The following DDX19B variants were observed in gnomAD, a reference collection of about 807,000 sequenced individuals.
The protein encoded by DDX19B is DEAD-box helicase 19B, also known as ATP-dependent RNA helicase DDX19B.
Under a neutral mutation model 58.1 loss-of-function variants are expected in DDX19B, and 27 were observed. That is an observed-to-expected ratio of 0.46 (90% CI 0.34 to 0.64). The LOEUF (loss-of-function observed/expected upper bound fraction) is 0.64, where lower values mean the gene tolerates loss of function less well. DDX19B is among the 30% of genes least tolerant of loss of function. The pLI, the probability that DDX19B is intolerant of heterozygous loss-of-function variation, is 0.01. For synonymous variants in DDX19B, 187 were observed against 214.4 expected, an observed-to-expected ratio of 0.87 and a Z score of 1.12; for missense variants, 399 against 596.5, an observed-to-expected ratio of 0.67 and a Z score of 3.45.
At chr16:70,329,492 A>T in intron 8 of DDX19B, 23 bp downstream of exon 8, 1 of 1,610,998 alleles carries the variant, frequency 6.2e-7, no homozygotes, top group Middle Eastern at 1.7e-4. Context: ...AGGGTGGGGG[A>T]CTCCTCAGAT....
intron 5 of DDX19B, among the ~76,000 whole-genome samples, chr16:70,321,425 G>A (rs1246102990): frequency 3.9e-5 from 6 of 152,112 alleles, no homozygotes; most frequent in Non-Finnish European, 7.3e-5. Flanking sequence ...TAGCCAAGAA[G>A]CTCATTTTTA....
At chr16:70,325,505 C>T (rs899365515) in intron 6 of DDX19B, 69 bp from the exon 7 acceptor site, 4 of 1,032,998 alleles carry the variant, frequency 3.9e-6, no homozygotes, top group Non-Finnish European at 6.0e-6. Flanking sequence ...TGGCTAAGTA[C>T]TAATGGTAAT....
At chr16:70,323,364 C>T (rs1417491621) in intron 5 of DDX19B, among the ~76,000 whole-genome samples, 2 of 152,026 alleles carry the variant, frequency 1.3e-5, no homozygotes, top group Non-Finnish European at 2.9e-5. Context: ...CCTCAACCTC[C>T]CGAAGTGCTG....
At chr16:70,323,780 A>T (rs928743490) in intron 5 of DDX19B, among the ~76,000 whole-genome samples, 1 of 151,842 alleles carries the variant, frequency 6.6e-6, no homozygotes, top group Non-Finnish European at 1.5e-5. Flanking sequence ...GGTTCTTGCC[A>T]CTCTTACCCC....
At chr16:70,328,023 G>A (rs2152212105) in intron 7 of DDX19B, among the ~76,000 whole-genome samples, 1 of 151,626 alleles carries the variant, frequency 6.6e-6, no homozygotes, top group South Asian at 2.1e-4. Flanking sequence ...GCATGGTGGT[G>A]CACACCTGTA....
chr16:70,314,902 G>A lies in DDX19B; in HGVS notation c.107G>A (p.Gly36Asp). Residue 36 changes from glycine (G) to aspartate (D), a missense_variant and splice_region_variant, in exon 3 of 12, where the codon GGT (glycine) becomes GAT (aspartate). By Grantham distance (94) the Gly-to-Asp change is moderately conservative. Coordinates refer to ENST00000288071, the MANE Select transcript of DDX19B (RefSeq NM_007242.7). The part of the protein sequence containing the change: ...KEEKIKPDTN[G>D]AVVKTNANAE... ...TGATGGCCACTTTGTGTCTATAAAG[G>A]TGCTGTTGTCAAGACCAATGCCAAT... The A allele has an allele frequency of 6.2e-7, 1 of 1,609,010 alleles. No individual in the cohort carries two copies. Among genetic ancestry groups the A allele is most frequent in the East Asian group, 2.2e-5 (1 of 44,646 alleles).
At chr16:70,303,974 C>T (rs1477511593) in intron 1 of DDX19B, among the ~76,000 whole-genome samples, 1 of 152,082 alleles carries the variant, frequency 6.6e-6, no homozygotes, top group African/African-American at 2.4e-5. Flanking sequence ...TTAAATTTTA[C>T]ATTTATGTCT....
In DDX19B at chr16:70,329,883, T is replaced by C; in HGVS notation, c.838T>C (p.Ser280Pro). The change falls in exon 9 of 12, where the codon TCT (serine) becomes CCT (proline). Residue 280 changes from serine to proline, a missense_variant. Coordinates refer to ENST00000288071, the MANE Select transcript of DDX19B (RefSeq NM_007242.7). ...GCTTTTCTCCGCCACCTTTGAAGACTCTGTGTGGAAGTTTGCCCAGAAAGT... is the reference window on the plus strand; with the variant it reads ...GCTTTTCTCCGCCACCTTTGAAGACCCTGTGTGGAAGTTTGCCCAGAAAGT... The part of the protein sequence containing the change: ...MLLFSATFED[S>P]VWKFAQKVVP... 1.9e-6 allele frequency: 3 copies of C among 1,614,178 alleles called. No homozygotes were observed. Among genetic ancestry groups the C allele is most frequent in the Non-Finnish European group, 8.5e-7 (1 of 1,180,042 alleles).
chr16:70,320,960 C>CTTTT (rs904476486), intron 5 of DDX19B, among the ~76,000 whole-genome samples: 5 of 108,656 alleles, frequency 4.6e-5, no homozygotes, highest in Admixed American at 1.0e-4. Context: ...CCACACTAGG[C>CTTTT]TTTTTTTTTT....
At chr16:70,298,355 G>A (rs1961310838), upstream of DDX19B, among the ~76,000 whole-genome samples, 1 of 151,852 alleles carries the variant, frequency 6.6e-6, no homozygotes, top group Non-Finnish European at 1.5e-5. Context: ...GCAGTGAGCC[G>A]AAATCGTGCC....
upstream of DDX19B, among the ~76,000 whole-genome samples, chr16:70,292,383 G>A (rs1961082901): frequency 6.6e-6 from 1 of 152,168 alleles, no homozygotes; most frequent in South Asian, 2.1e-4. Context: ...CCGACCTCAG[G>A]TGATTCGCCT....
At chr16:70,328,937 C>T (rs1963323027) in intron 7 of DDX19B, among the ~76,000 whole-genome samples, 1 of 151,560 alleles carries the variant, frequency 6.6e-6, no homozygotes, top group Admixed American at 6.6e-5. Flanking sequence ...CCCATGGAGG[C>T]CGGGCACGGT....
chr16:70,330,548 A>G (rs1484602791), intron 9 of DDX19B, among the ~76,000 whole-genome samples: 1 of 152,044 alleles, frequency 6.6e-6, no homozygotes, highest in African/African-American at 2.4e-5. Flanking sequence ...TGATTGCTCC[A>G]TTGCACTCCA....
upstream of DDX19B, among the ~76,000 whole-genome samples, chr16:70,294,564 A>G (rs1051801618): frequency 6.6e-6 from 1 of 152,208 alleles, no homozygotes; most frequent in Non-Finnish European, 1.5e-5. Flanking sequence ...ATGAGTGACC[A>G]CTATGTGTTA....
intron 5 of DDX19B, among the ~76,000 whole-genome samples, chr16:70,324,362 C>CAAA (rs57977602): frequency 7.2e-4 from 35 of 48,840 alleles, no homozygotes; most frequent in East Asian, 2.1e-3. Flanking sequence ...GACCTAATCT[C>CAAA]AAAAAAAAAA....
chr16:70,333,668 C>T lies in DDX19B; in HGVS notation c.*86C>T. The T allele has an allele frequency of 6.3e-7, 1 of 1,598,036 alleles. No individual in the cohort carries two copies. The highest frequency in any genetic ancestry group is 1.3e-5 in the African/African-American group (1 of 74,528). Reference sequence around the variant, plus strand: ...TTCAGGGCACAGGCCCCGACATCACCCCAAGGACAACGGCACAAGTAGAGA... The same window carrying T: ...TTCAGGGCACAGGCCCCGACATCACTCCAAGGACAACGGCACAAGTAGAGA... On this transcript the variant is annotated 3_prime_UTR_variant, in exon 12 of 12. Transcript: ENST00000288071.
At chr16:70,314,770 C>T (rs749533697) in intron 2 of DDX19B, 132 bp from the exon 3 acceptor site, 18 of 816,770 alleles carry the variant, frequency 2.2e-5, no homozygotes, top group African/African-American at 1.7e-4. Context: ...TTTTTATCAG[C>T]GGCTCGGTTT....
At chr16:70,299,845 T>G (rs552304183) in intron 1 of DDX19B, among the ~76,000 whole-genome samples, 1 of 152,152 alleles carries the variant, frequency 6.6e-6, no homozygotes, top group South Asian at 2.1e-4. Flanking sequence ...GGACCATGTC[T>G]TTGCTCATAT....
At chr16:70,330,994 G>GT (rs1567640093) in intron 9 of DDX19B, among the ~76,000 whole-genome samples, 1 of 152,116 alleles carries the variant, frequency 6.6e-6, no homozygotes. Flanking sequence ...GCAGTGAGCT[G>GT]TGACTGTGCA....
Sources: allele counts gnomAD v4.1 joint callset (sites outside exome capture counted in the v4.1 genomes callset), GRCh38; gene constraint gnomAD v4.1.1; transcripts MANE v1.5; gene names NCBI Gene and HGNC (gene_info 2026-07-23, HGNC 2026-07-21).